Variants in RPGR observed in about 807,000 individuals in gnomAD.
RPGR encodes retinitis pigmentosa GTPase regulator.
A neutral mutation model predicts 56.3 loss-of-function variants in RPGR; 10 were observed. The observed-to-expected ratio is 0.18, with a 90% CI of 0.11 to 0.30. The LOEUF is 0.30. Among genes scored for constraint, RPGR ranks in the 10% least tolerant of loss-of-function variants. The pLI is 1.00. For missense variants in RPGR, 538 were observed against 590.9 expected (o/e 0.91, Z 0.93); for synonymous variants, 197 against 212.9 (o/e 0.93, Z 0.65).
rs62638645 is a variant in RPGR at position 38,318,883 on chromosome X, C to T, written c.415G>A (p.Glu139Lys). Residue 139 changes from glutamate to lysine, a missense_variant, in exon 5 of 19, where the codon GAG becomes AAG. This residue lies in a region of RPGR where 181 missense variants were observed against 265.1 expected (regional missense o/e 0.68). Coordinates refer to ENST00000642395, the MANE Select transcript of RPGR (RefSeq NM_000328.3). ...GCAGACAGCTGCTTAATCTTATGCT[C>T]GGATGTAAAAAAGCTAATTACATGA... 3.9e-5 allele frequency: 47 copies of T among 1,209,966 alleles called. No individual in the cohort carries two copies. Among genetic ancestry groups the T allele is most frequent in the South Asian group, 8.8e-5 (5 of 56,835 alleles).
intron 6 of RPGR, among the ~76,000 whole-genome samples, 185 bp from the exon 7 acceptor site, chrX:38,310,958 T>C (rs904293698): frequency 2.7e-5 from 3 of 112,462 alleles, no homozygotes; most frequent in Non-Finnish European, 3.8e-5. Context: ...AATCCAATCA[T>C]TTTCATGAAA....
At chrX:38,281,140 G>A (rs1329168072) in intron 15 of RPGR, among the ~76,000 whole-genome samples, 1 of 112,473 alleles carries the variant, frequency 8.9e-6, no homozygotes, top group Admixed American at 9.4e-5. Context: ...TTGCTGGCGA[G>A]CATTTTTATT....
At chrX:38,324,489 C>T (rs1193936979) in intron 1 of RPGR, among the ~76,000 whole-genome samples, 1 of 110,334 alleles carries the variant, frequency 9.1e-6, no homozygotes, top group Admixed American at 9.6e-5. Flanking sequence ...ATTACTCCAC[C>T]ACTATCTCTT....
At chrX:38,312,329 T>C (rs780062118) in intron 6 of RPGR, among the ~76,000 whole-genome samples, 2 of 111,469 alleles carry the variant, frequency 1.8e-5, no homozygotes, top group East Asian at 5.6e-4. Flanking sequence ...TCTCTCCATT[T>C]CTGTCTATAG....
intron 3 of RPGR, among the ~76,000 whole-genome samples, chrX:38,321,621 C>T (rs182975801): frequency 3.7e-5 from 4 of 108,129 alleles, no homozygotes; most frequent in African/African-American, 1.3e-4. Flanking sequence ...GATCACACCA[C>T]TGCACTCCAG....
intron 8 of RPGR, among the ~76,000 whole-genome samples, chrX:38,301,821 G>A (rs959361074): frequency 3.6e-5 from 4 of 110,947 alleles, no homozygotes; most frequent in Non-Finnish European, 5.7e-5. Flanking sequence ...ATTCATGGTC[G>A]TGTGGGTCTG....
intron 11 of RPGR, among the ~76,000 whole-genome samples, chrX:38,293,426 A>T (rs1478283409): frequency 2.7e-5 from 3 of 112,178 alleles, no homozygotes; most frequent in African/African-American, 9.7e-5. Flanking sequence ...TACCAAATGA[A>T]GATTGTAAGG....
chrX:38,271,853 A>C (rs1230938828), intron 18 of RPGR, among the ~76,000 whole-genome samples: 2 of 112,569 alleles, frequency 1.8e-5, no homozygotes, highest in Non-Finnish European at 3.8e-5. Flanking sequence ...ATGACACTGG[A>C]ATTACTAAAT....
chrX:38,305,112 G>A lies in RPGR; in HGVS notation c.779-322C>T, dbSNP rs927959895. ...CCTGAAATGTCCCCATAATTACGTC[G>A]GCTCAAAAAGTACCAACTGTTGGCC... On this transcript the variant is annotated intron_variant, in intron 7 of 18. Transcript: ENST00000642395. 9.0e-5 allele frequency among the ~76,000 whole-genome samples: 10 copies of A among 111,421 alleles called. No homozygotes were observed. In the East Asian group the frequency reaches 1.1e-3, roughly 13 times the overall value.
intron 11 of RPGR, among the ~76,000 whole-genome samples, chrX:38,294,368 A>G (rs2067341713): frequency 9.0e-6 from 1 of 111,051 alleles, no homozygotes; most frequent in Non-Finnish European, 1.9e-5. Flanking sequence ...GATTTCACCA[A>G]CATCCATGGA....
chrX:38,291,253 T>A, intron 12 of RPGR, 140 bp downstream of exon 12: 2 of 424,739 alleles, frequency 4.7e-6, no homozygotes, highest in Non-Finnish European at 8.0e-6. Flanking sequence ...TATACCTCAA[T>A]ATAGTTGGTT....
In RPGR at chrX:38,317,120, TCAGA is replaced by T. The variant is rs1260144842; in HGVS notation, c.619+192_619+195del. 2.1e-5 allele frequency: 9 copies of T among 423,657 alleles called. No individual in the cohort carries two copies. The Admixed American group carries it at 3.7e-4, about 18-fold the overall frequency. The allele number at this position is 423,657 out of a possible 1,213,427, so 34.9% of individuals were successfully genotyped here. On this transcript the variant is annotated intron_variant, in intron 6 of 18. Transcript: ENST00000642395. ...TATATTCACCTAAAAAGTGATCATG[TCAGA>T]CAGAGTTTGAAATTATGAACTCTTA...
chrX:38,287,412 A>T, intron 14 of RPGR, 167 bp from the exon 15 acceptor site: 1 of 809,250 alleles, frequency 1.2e-6, no homozygotes, highest in Non-Finnish European at 1.8e-6. Context: ...CTATTGCCTC[A>T]GGCTGCTGGA....
chrX:38,286,874 C>T (rs1305342570), intron 15 of RPGR: 1 of 1,203,744 alleles, frequency 8.3e-7, no homozygotes, highest in African/African-American at 1.8e-5. Flanking sequence ...TGCTCCTGCT[C>T]TTCCCCATCC....
chrX:38,327,265 C>G, intron 1 of RPGR, 75 bp downstream of exon 1: 1 of 1,056,817 alleles, frequency 9.5e-7, no homozygotes, highest in South Asian at 2.1e-5. Context: ...CCTACAGGGC[C>G]GATCCGGAGG....
chrX:38,300,967 C>A (rs912968678), intron 9 of RPGR, among the ~76,000 whole-genome samples: 2 of 111,622 alleles, frequency 1.8e-5, no homozygotes, highest in Non-Finnish European at 3.8e-5. Context: ...ACAAAGCCTG[C>A]GGGCATGGCA....
chrX:38,289,385 C>T (rs1372058201), intron 13 of RPGR, among the ~76,000 whole-genome samples: 1 of 111,798 alleles, frequency 8.9e-6, no homozygotes, highest in Non-Finnish European at 1.9e-5. Flanking sequence ...TGTACAAAAA[C>T]TATGAAATCA....
At chrX:38,315,229 G>A (rs1569256523) in intron 6 of RPGR, among the ~76,000 whole-genome samples, 4 of 111,484 alleles carry the variant, frequency 3.6e-5, no homozygotes, top group Admixed American at 9.6e-5. Context: ...CTACTCAGGA[G>A]GCTGAGGCAA....
intron 5 of RPGR, chrX:38,317,719 G>C: frequency 3.4e-6 from 1 of 296,887 alleles, no homozygotes; most frequent in East Asian, 6.2e-5. Flanking sequence ...TTTTTATCTC[G>C]ATAGCAAAGA....
Sources: allele counts gnomAD v4.1 joint callset (sites outside exome capture counted in the v4.1 genomes callset), GRCh38; gene constraint gnomAD v4.1.1; regional missense constraint gnomAD v4.1.1; transcripts MANE v1.5; gene names NCBI Gene and HGNC (gene_info 2026-07-23, HGNC 2026-07-21).